The following EYS variants were observed in gnomAD, a reference collection of about 807,000 sequenced individuals.
EYS encodes the protein EGF-like photoreceptor maintenance factor.
Under a neutral mutation model 282.1 loss-of-function variants are expected in EYS, and 250 were observed. That is an observed-to-expected ratio of 0.89 (90% CI 0.80 to 0.98). EYS has a LOEUF of 0.98. Ranked by LOEUF, EYS falls within the 50% of genes least tolerant of loss-of-function variation. EYS has a pLI of 0.00. For missense variants in EYS, 4,016 were observed against 3,709.0 expected (o/e 1.08, Z -2.15); for synonymous variants, 1,355 against 1,282.9 (o/e 1.06, Z -1.20).
At chr6:63,784,800 C>A (rs1192501268) in intron 39 of EYS, among the ~76,000 whole-genome samples, 1 of 152,104 alleles carries the variant, frequency 6.6e-6, no homozygotes, top group African/African-American at 2.4e-5. Flanking sequence ...GTAAAAAATT[C>A]AGTTATTATT....
chr6:64,835,373 A>T (rs950956194), intron 19 of EYS, among the ~76,000 whole-genome samples: 2 of 151,658 alleles, frequency 1.3e-5, no homozygotes, highest in African/African-American at 4.8e-5. Flanking sequence ...TGTTGAAATG[A>T]TAGAAGAAAG....
At chr6:65,267,009 G>GAT (rs1384478387) in intron 12 of EYS, among the ~76,000 whole-genome samples, 10 of 149,724 alleles carry the variant, frequency 6.7e-5, no homozygotes, top group Admixed American at 5.4e-4. Flanking sequence ...GAGAGAGAGA[G>GAT]ATCACACATG....
chr6:65,280,413 G>C (rs1028455310), intron 12 of EYS, among the ~76,000 whole-genome samples: 1 of 152,130 alleles, frequency 6.6e-6, no homozygotes, highest in Admixed American at 6.6e-5. Flanking sequence ...ATATTTTCAA[G>C]ATATAATAGC....
intron 22 of EYS, among the ~76,000 whole-genome samples, chr6:64,776,866 T>C (rs1350403818): frequency 6.6e-6 from 1 of 151,720 alleles, no homozygotes; most frequent in African/African-American, 2.4e-5. Context: ...CTTTGCTAGA[T>C]TTCTGATGTT....
intron 12 of EYS, among the ~76,000 whole-genome samples, chr6:65,152,850 C>T (rs531162729): frequency 6.6e-6 from 1 of 151,234 alleles, no homozygotes; most frequent in African/African-American, 2.4e-5. Flanking sequence ...TAAATATTTT[C>T]ATGGCTTTAG....
intron 12 of EYS, among the ~76,000 whole-genome samples, chr6:65,246,580 C>T (rs181777444): frequency 1.3e-5 from 2 of 152,174 alleles, no homozygotes; most frequent in East Asian, 3.9e-4. Flanking sequence ...AAGAGCCCCC[C>T]ATAGTAATAT....
rs180971805 is a variant in EYS, at chr6:65,354,356, A to T, written c.1300-739T>A. Among the ~76,000 whole-genome samples the T allele has an allele frequency of 6.1e-4, 93 of 152,220 alleles. 1 individual carries two copies. The highest frequency in any genetic ancestry group is 2.2e-3 in the African/African-American group (93 of 41,554). Reference sequence around the variant, plus strand: ...TCCCTTGAATTTGGCAGAGAAAAACACAGCTGAGACATGCAGTACAAGGAA... The same window carrying T: ...TCCCTTGAATTTGGCAGAGAAAAACTCAGCTGAGACATGCAGTACAAGGAA... On this transcript the variant is annotated intron_variant, in intron 8 of 42. Transcript: ENST00000503581.
At chr6:64,245,278 T>A (rs1028824120) in intron 30 of EYS, among the ~76,000 whole-genome samples, 1 of 151,994 alleles carries the variant, frequency 6.6e-6, no homozygotes, top group African/African-American at 2.4e-5. Context: ...AACTCTTTAC[T>A]CAGGTTGTTT....
At chr6:65,443,474 C>A (rs1768508035) in intron 5 of EYS, among the ~76,000 whole-genome samples, 1 of 151,540 alleles carries the variant, frequency 6.6e-6, no homozygotes, top group Non-Finnish European at 1.5e-5. Context: ...TACACATGCA[C>A]ATATATACAC....
In EYS at chr6:64,664,342, C is replaced by T. The variant is rs528607221; in HGVS notation, c.3444-38097G>A. On this transcript the variant is annotated intron_variant, in intron 22 of 42. Transcript: ENST00000503581. ...AGCCTAATTGGTGTTTTAGTGAGCC[C>T]TCTTTACTACCTGATTGGTTGGGTG... 3.5e-4 allele frequency among the ~76,000 whole-genome samples: 54 copies of T among 152,248 alleles called. 1 individual carries two copies. The South Asian group carries it at 0.011, about 30-fold the overall frequency.
chr6:65,665,693 C>A (rs2149828874), intron 1 of EYS, among the ~76,000 whole-genome samples: 1 of 152,190 alleles, frequency 6.6e-6, no homozygotes, highest in South Asian at 2.1e-4. Context: ...ATATTCCATT[C>A]TTACCCTTCA....
chr6:65,096,889 A>C (rs370404547), intron 12 of EYS, among the ~76,000 whole-genome samples: 7 of 151,148 alleles, frequency 4.6e-5, no homozygotes, highest in African/African-American at 1.7e-4. Context: ...TTGAAACTTT[A>C]AAACTCTTAG....
chr6:65,598,831 G>C (rs1051178464), intron 2 of EYS, among the ~76,000 whole-genome samples: 24 of 152,024 alleles, frequency 1.6e-4, no homozygotes, highest in Non-Finnish European at 3.2e-4. Flanking sequence ...CTTTATCCTT[G>C]AACGTATTAT....
intron 33 of EYS, among the ~76,000 whole-genome samples, chr6:64,032,281 G>A (rs1769890289): frequency 6.6e-6 from 1 of 152,138 alleles, no homozygotes; most frequent in African/African-American, 2.4e-5. Context: ...GAGGGTCCAC[G>A]GCTTCATTCT....
In EYS at chr6:64,930,586, AC is replaced by A. The variant is rs554993786; in HGVS notation, c.2381+15206del. ...AAGTTTTTAACTTATTAAATGTCAG[AC>A]TTTTTCAGTTATTATATCCATTAAA... On this transcript the variant is annotated intron_variant, in intron 15 of 42. Coordinates refer to ENST00000503581, the MANE Select transcript of EYS (RefSeq NM_001142800.2). Among the ~76,000 whole-genome samples the A allele has an allele frequency of 2.6e-3, 400 of 152,192 alleles. 6 individuals carry two copies. The highest frequency in any genetic ancestry group is 9.2e-3 in the African/African-American group (384 of 41,564).
intron 11 of EYS, among the ~76,000 whole-genome samples, chr6:65,324,761 C>CTT (rs1769573363): frequency 1.3e-5 from 2 of 152,132 alleles, no homozygotes; most frequent in Admixed American, 1.3e-4. Context: ...TTTTAAAAAC[C>CTT]TTTCTGAGGT....
chr6:64,182,743 T>C (rs1582393303), intron 31 of EYS, among the ~76,000 whole-genome samples: 1 of 152,116 alleles, frequency 6.6e-6, no homozygotes, highest in African/African-American at 2.4e-5. Context: ...CACTCTAAGT[T>C]CCTGCCATTC....
chr6:65,506,521 A>G (rs566543818), intron 2 of EYS, among the ~76,000 whole-genome samples: 1 of 106,026 alleles, frequency 9.4e-6, no homozygotes, highest in African/African-American at 3.6e-5. Flanking sequence ...TGCTGTTGCC[A>G]AGGCTAAAGT....
At chr6:65,106,535 ACCTACG>A (rs1392737607) in intron 12 of EYS, among the ~76,000 whole-genome samples, 2 of 152,088 alleles carry the variant, frequency 1.3e-5, no homozygotes, top group African/African-American at 4.8e-5. Context: ...CAAAAGGCAT[ACCTACG>A]TGAGCATTAA....
Sources: gnomAD v4.1 joint callset for allele counts (sites outside exome capture counted in the v4.1 genomes callset) on GRCh38, gnomAD v4.1.1 for gene constraint, MANE v1.5 for transcripts, NCBI Gene and HGNC (gene_info 2026-07-23, HGNC 2026-07-21) for gene names.